Variants in AMN observed in about 807,000 individuals in gnomAD.
AMN encodes amnion associated transmembrane protein.
AMN carries 40 observed loss-of-function variants against 49.1 expected under a neutral mutation model. The observed-to-expected ratio is 0.81, with a 90% CI of 0.63 to 1.06. AMN has a LOEUF of 1.06. AMN is among the 50% of genes least tolerant of loss of function. The pLI is 0.00. For missense variants in AMN, 701 were observed against 662.8 expected (o/e 1.06, Z -0.63); for synonymous variants, 380 against 313.3 (o/e 1.21, Z -2.25).
At chr14:102,927,260 A>T (rs867643939) in intron 3 of AMN, among the ~76,000 whole-genome samples, 3 of 152,100 alleles carry the variant, frequency 2.0e-5, no homozygotes, top group Non-Finnish European at 4.4e-5. Context: ...TTATTTTTAA[A>T]TTTTTTGTAG....
intron 6 of AMN, 42 bp downstream of exon 6, chr14:102,929,300 T>G: frequency 6.9e-7 from 1 of 1,445,658 alleles, no homozygotes; most frequent in South Asian, 1.4e-5. Flanking sequence ...CGCGCGAGGG[T>G]CGGGACTGTG....
chr14:102,930,199 G>C lies in AMN; in HGVS notation c.1041G>C (p.Arg347=), dbSNP rs1198799444. ...TCGGCGTCCTGGAGGCGACCATGCGGGAGTCGGGCGCACACGTCTGGGGCA... is the reference window on the plus strand; with the variant it reads ...TCGGCGTCCTGGAGGCGACCATGCGCGAGTCGGGCGCACACGTCTGGGGCA... ...EALGVLEATM[R]ESGAHVWGSS... Residue 347 remains arginine, a synonymous_variant, in exon 10 of 12, where the codon CGG becomes CGC. Transcript: ENST00000299155. 7.5e-6 allele frequency: 11 copies of C among 1,475,676 alleles called. No individual in the cohort carries two copies. Among genetic ancestry groups the C allele is most frequent in the Non-Finnish European group, 8.9e-7 (1 of 1,119,994 alleles). 91.4% of individuals were successfully genotyped at this position (1,475,676 alleles called of 1,614,324 possible). A position where few individuals can be genotyped will look rare whatever the true frequency, so the allele number is the denominator to read the frequency against.
chr14:102,924,106 C>A, intron 3 of AMN, 127 bp downstream of exon 3: 1 of 1,379,416 alleles, frequency 7.2e-7, no homozygotes, highest in African/African-American at 1.4e-5. Context: ...GGACTTTGGC[C>A]TCTGGAGAAT....
intron 3 of AMN, among the ~76,000 whole-genome samples, chr14:102,924,907 G>A (rs1891152596): frequency 7.2e-6 from 1 of 139,430 alleles, no homozygotes; most frequent in African/African-American, 2.5e-5. Context: ...TAATCGTTGG[G>A]GAAAAAAAGA....
rs1322077009 is a variant in AMN at position 102,930,397 on chromosome 14, C to A, written c.1170-9C>A. On this transcript the variant is annotated splice_polypyrimidine_tract_variant and intron_variant, in intron 10 of 11. Transcript: ENST00000299155. ...AGGGGCTCACGCTGCGTCCCCGCTA[C>A]GCCCTCAGGTGGAGGAGGCACGAGG... is the stretch of plus-strand genomic sequence containing the variant. 3 of 1,509,832 alleles carry A rather than the reference C, an allele frequency of 2.0e-6. No homozygotes were observed. Among genetic ancestry groups the A allele is most frequent in the Non-Finnish European group, 2.6e-6 (3 of 1,135,710 alleles). 93.5% of individuals were successfully genotyped at this position (1,509,832 alleles called of 1,614,324 possible). A position where few individuals can be genotyped will look rare whatever the true frequency, so the allele number is the denominator to read the frequency against.
chr14:102,928,991 A>G lies in AMN; in HGVS notation c.513+16A>G. 6.3e-7 allele frequency: 1 copy of G among 1,596,718 alleles called. No homozygotes were observed. The highest frequency in any genetic ancestry group is 1.1e-5 in the South Asian group (1 of 90,906). ...TCTGGGCCGGGTGAGCACTGAGGGG[A>G]GGGAGGCTCGGGTCCCCTCTCCCCA... On this transcript the variant is annotated intron_variant, in intron 5 of 11. Transcript: ENST00000299155.
At chr14:102,926,272 C>G (rs530430494) in intron 3 of AMN, among the ~76,000 whole-genome samples, 2 of 152,360 alleles carry the variant, frequency 1.3e-5, no homozygotes, top group East Asian at 3.9e-4. Context: ...CGTGCACCAG[C>G]GAGGGCTCCT....
chr14:102,928,667 G>T lies in AMN; in HGVS notation c.296-91G>T, dbSNP rs998491399. 5 of 1,520,164 alleles carry T rather than the reference G, an allele frequency of 3.3e-6. No homozygotes were observed. The highest frequency in any genetic ancestry group is 4.4e-6 in the Non-Finnish European group (5 of 1,126,804). The allele number at this position is 1,520,164 out of a possible 1,614,324, so 94.2% of individuals were successfully genotyped here. ...GGAAGTGTCCCGAAGCGGGGCTTGG[G>T]AGGTCGTGCTCAGACGCGTGGCGTG... On this transcript the variant is annotated intron_variant, in intron 4 of 11. Coordinates refer to ENST00000299155, the MANE Select transcript of AMN (RefSeq NM_030943.4).
In AMN at chr14:102,930,132, G is replaced by T. The variant is rs527770644; in HGVS notation, c.1007-33G>T. 6 of 1,501,442 alleles carry T rather than the reference G, an allele frequency of 4.0e-6. No homozygotes were observed. In the South Asian group the frequency reaches 7.6e-5, roughly 19 times the overall value. The allele number at this position is 1,501,442 out of a possible 1,614,324, so 93.0% of individuals were successfully genotyped here. ...CCGCCCCGCCGCGCCTCGCCCCGCC[G>T]CGGGGAAGACTGAGCCGGCCCCTCC... On this transcript the variant is annotated intron_variant, in intron 9 of 11. Coordinates refer to ENST00000299155, the MANE Select transcript of AMN (RefSeq NM_030943.4).
chr14:102,925,619 G>A lies in AMN; in HGVS notation c.207+1640G>A, dbSNP rs57586638. On this transcript the variant is annotated intron_variant, in intron 3 of 11. Coordinates refer to ENST00000299155, the MANE Select transcript of AMN (RefSeq NM_030943.4). The stretch of plus-strand genomic sequence containing the variant: ...GCTGGGCTGGGGGTTCCAGGGCATG[G>A]ATTTCCCCCTACTCCCCTCCCCTGC... 4.1e-3 allele frequency among the ~76,000 whole-genome samples: 622 copies of A among 152,286 alleles called. 2 individuals are homozygous for A. The highest frequency in any genetic ancestry group is 0.014 in the African/African-American group (597 of 41,560).
intron 1 of AMN, chr14:102,923,250 C>T (rs1310964551): frequency 3.7e-6 from 1 of 273,774 alleles, no homozygotes; most frequent in Non-Finnish European, 7.1e-6. Flanking sequence ...CCGCCCCCAG[C>T]CCCTTCTTAC....
In AMN at chr14:102,928,749, C is replaced by G. The variant is rs373204347; in HGVS notation, c.296-9C>G. ...GTTCCGTGGAGCTCAGGGATGTGCT[C>G]CGGCTCAGGCGAACCTGCCGTCTTC... is the stretch of plus-strand genomic sequence containing the variant. On this transcript the variant is annotated splice_polypyrimidine_tract_variant and intron_variant, in intron 4 of 11. Coordinates refer to ENST00000299155, the MANE Select transcript of AMN (RefSeq NM_030943.4). 4.2e-5 allele frequency: 67 copies of G among 1,605,570 alleles called. No homozygotes were observed. Among genetic ancestry groups the G allele is most frequent in the Non-Finnish European group, 4.5e-5 (53 of 1,178,784 alleles).
At position 102,923,603 on chromosome 14, in the gene AMN, G is replaced by T. The variant is rs1355968233; in HGVS notation, c.44-108G>T. On this transcript the variant is annotated intron_variant, in intron 1 of 11. Coordinates refer to ENST00000299155, the MANE Select transcript of AMN (RefSeq NM_030943.4). ...GCCCCCGGGGATGGGGTTCCTATGC[G>T]TCCCGGGTGATCCGCGCGGACCTTC... The T allele has an allele frequency of 6.7e-6, 7 of 1,052,596 alleles. No individual in the cohort carries two copies. The Admixed American group carries it at 8.5e-5, about 13-fold the overall frequency. The allele number at this position is 1,052,596 out of a possible 1,614,324, so 65.2% of individuals were successfully genotyped here.
chr14:102,923,872 C>T, intron 2 of AMN, 43 bp downstream of exon 2: 1 of 1,612,824 alleles, frequency 6.2e-7, no homozygotes, highest in Non-Finnish European at 8.5e-7. Context: ...GCCTGGACCC[C>T]TGAGACCGTG....
At position 102,928,508 on chromosome 14, in the gene AMN, G is replaced by A. The variant is rs769407881; in HGVS notation, c.290G>A (p.Gly97Asp). 19 of 1,606,964 alleles carry A rather than the reference G, an allele frequency of 1.2e-5. No individual in the cohort carries two copies. In the East Asian group the frequency reaches 2.9e-4, roughly 25 times the overall value. Residue 97 changes from glycine to aspartate, a missense_variant, in exon 4 of 12, where the codon GGC (glycine) becomes GAC (aspartate). Gly to Asp is a moderately conservative substitution (Grantham distance 94). Transcript: ENST00000299155. The stretch of plus-strand genomic sequence containing the variant: ...GACGTGGGCTCGCACCTGGACTGTG[G>A]CGCGGGTGAGGCGGTCGGGCAGGGG... ...VSDVGSHLDC[G>D]AGEPAVFRDS... is the part of the protein sequence containing the mutation.
chr14:102,929,980 C>T lies in AMN; in HGVS notation c.900C>T (p.Leu300=), dbSNP rs1363434924. 6.4e-7 allele frequency: 1 copy of T among 1,564,516 alleles called. No individual in the cohort carries two copies. The highest frequency in any genetic ancestry group is 1.9e-5 in the Admixed American group (1 of 53,232). The stretch of plus-strand genomic sequence containing the variant: ...CCAAGGTGCCACGCTCGTCCCGGCT[C>T]CGTGAGGCCGATACGGAGATCCAGG... ...AVSKVPRSSR[L]READTEIQVV... Residue 300 remains leucine, a synonymous_variant, in exon 9 of 12, where the codon CTC becomes CTT. Coordinates refer to ENST00000299155, the MANE Select transcript of AMN (RefSeq NM_030943.4).
chr14:102,928,708 G>T (rs962440969), intron 4 of AMN, 50 bp from the exon 5 acceptor site: 1 of 1,575,942 alleles, frequency 6.3e-7, no homozygotes, highest in Non-Finnish European at 8.6e-7. Flanking sequence ...GCGTGGCGTG[G>T]TGTGGCGCGG....
At position 102,928,509 on chromosome 14, in the gene AMN, C is replaced by T. The variant is rs775510849; in HGVS notation, c.291C>T (p.Gly97=). ...VSDVGSHLDC[G]AGEPAVFRDS... is the part of the protein sequence containing the mutation. ...ACGTGGGCTCGCACCTGGACTGTGG[C>T]GCGGGTGAGGCGGTCGGGCAGGGGC... Residue 97 remains glycine (G), a synonymous_variant, in exon 4 of 12, where the codon GGC becomes GGT. Transcript: ENST00000299155. 1.2e-6 allele frequency: 2 copies of T among 1,606,500 alleles called. No homozygotes were observed. The highest frequency in any genetic ancestry group is 2.2e-5 in the South Asian group (2 of 90,604).
chr14:102,922,833 TG>T (rs1160579101), intron 1 of AMN, 102 bp downstream of exon 1: 10 of 1,463,168 alleles, frequency 6.8e-6, no homozygotes, highest in African/African-American at 1.4e-5. Context: ...TTCCGAGGAG[TG>T]GGCAGGGAGG....
Sources: gnomAD v4.1 joint callset for allele counts (sites outside exome capture counted in the v4.1 genomes callset) on GRCh38, gnomAD v4.1.1 for gene constraint, MANE v1.5 for transcripts, NCBI Gene and HGNC (gene_info 2026-07-23, HGNC 2026-07-21) for gene names.